The following DTWD2 variants were observed in gnomAD, a reference collection of about 807,000 sequenced individuals.
DTWD2 encodes the protein DTW motif tRNA-uridine aminocarboxypropyltransferase 2.
A neutral mutation model predicts 31.8 loss-of-function variants in DTWD2; 39 were observed. That is an observed-to-expected ratio of 1.22 (90% CI 0.95 to 1.60). DTWD2 has a LOEUF of 1.60. Ranked by LOEUF, DTWD2 falls within the 40% of genes most tolerant of loss-of-function variation. The pLI, the probability that DTWD2 is intolerant of heterozygous loss-of-function variation, is 0.00. For missense variants in DTWD2, 515 were observed against 381.5 expected (o/e 1.35, Z -2.92); for synonymous variants, 180 against 142.8 (o/e 1.26, Z -1.86).
intron 1 of DTWD2, among the ~76,000 whole-genome samples, chr5:118,945,216 T>C (rs185269583): frequency 6.6e-6 from 1 of 152,294 alleles, no homozygotes. Flanking sequence ...CCATTTAACT[T>C]ACCTTTTCTT....
chr5:118,969,648 A>G (rs1342651370), intron 1 of DTWD2, among the ~76,000 whole-genome samples: 2 of 152,184 alleles, frequency 1.3e-5, no homozygotes, highest in Non-Finnish European at 2.9e-5. Context: ...CAACAATAAC[A>G]TCAACAAAGA....
chr5:118,983,794 T>C (rs550528724), intron 1 of DTWD2, among the ~76,000 whole-genome samples: 51 of 152,328 alleles, frequency 3.3e-4, no homozygotes, highest in Non-Finnish European at 6.9e-4. Context: ...GGGAACCAAG[T>C]GGACTGGAGC....
In DTWD2 at chr5:118,928,551, G is replaced by A. The variant is rs151134567; in HGVS notation, c.583C>T (p.Arg195Ter). The A allele has an allele frequency of 7.9e-5, 119 of 1,497,334 alleles. No individual in the cohort carries two copies. Among genetic ancestry groups the A allele is most frequent in the South Asian group, 9.3e-5 (6 of 64,292 alleles). 92.8% of individuals were successfully genotyped at this position (1,497,334 alleles called of 1,614,324 possible). ...TACTAGTTTACCTGTTTGGGATGTC[G>A]GAACAAGGAGTTCTTATAGAAAATG... is the stretch of plus-strand genomic sequence containing the variant. The part of the protein sequence containing the change: ...KDIFYKNSLF[R>*]HPKQVQLKTS... Residue 195 changes from arginine to a stop codon, truncating the protein, a stop_gained, in exon 4 of 6, where the codon CGA becomes TGA. Transcript: ENST00000510708. LOFTEE classifies it high-confidence loss of function.
chr5:118,988,115 A>C (rs1437485081), intron 1 of DTWD2, 179 bp downstream of exon 1: 3 of 773,838 alleles, frequency 3.9e-6, no homozygotes, highest in Non-Finnish European at 6.7e-6. Context: ...TGAACCTGGA[A>C]AAAGGGCTTC....
intron 4 of DTWD2, among the ~76,000 whole-genome samples, chr5:118,917,376 G>GA (rs1753601227): frequency 6.6e-6 from 1 of 152,128 alleles, no homozygotes; most frequent in Admixed American, 6.5e-5. Flanking sequence ...AAGGGAAAAA[G>GA]AAACAGCCAG....
rs1254615594 is a variant in DTWD2 at position 118,836,628 on chromosome 5, T to C, written c.*4289A>G. 6.6e-6 allele frequency among the ~76,000 whole-genome samples: 1 copy of C among 152,252 alleles called. No homozygotes were observed. Among genetic ancestry groups the C allele is most frequent in the South Asian group, 2.1e-4 (1 of 4,830 alleles). ...ACAGGAGTTGCTATGGTCTGAATAT[T>C]TGTGTCCCCACAAAACTCACAGGTT... On this transcript the variant is annotated 3_prime_UTR_variant, in exon 6 of 6. Transcript: ENST00000510708.
At chr5:118,905,332 A>G (rs1753304165) in intron 4 of DTWD2, among the ~76,000 whole-genome samples, 1 of 152,114 alleles carries the variant, frequency 6.6e-6, no homozygotes, top group Non-Finnish European at 1.5e-5. Context: ...TTAGGAATTC[A>G]GAAAGGAGTC....
intron 3 of DTWD2, among the ~76,000 whole-genome samples, chr5:118,934,821 T>A (rs1055214556): frequency 1.3e-5 from 2 of 152,148 alleles, no homozygotes; most frequent in African/African-American, 4.8e-5. Context: ...CCATACCATA[T>A]AAACACTAGC....
At chr5:118,947,503 C>T (rs1754365667) in intron 1 of DTWD2, among the ~76,000 whole-genome samples, 1 of 152,152 alleles carries the variant, frequency 6.6e-6, no homozygotes, top group Non-Finnish European at 1.5e-5. Flanking sequence ...AGCTGCTTTT[C>T]CCCAACGTCA....
chr5:118,973,624 AGCCTCCTTGCTCGCG>A (rs1755045555), intron 1 of DTWD2, among the ~76,000 whole-genome samples: 2 of 23,272 alleles, frequency 8.6e-5, no homozygotes, highest in Non-Finnish European at 1.1e-4. Flanking sequence ...TGCTCGCGGC[AGCCTCCTTGCTCGCG>A]GCAGCCTCCT....
chr5:118,981,233 T>C (rs1364527462), intron 1 of DTWD2, among the ~76,000 whole-genome samples: 1 of 152,156 alleles, frequency 6.6e-6, no homozygotes, highest in East Asian at 1.9e-4. Flanking sequence ...GAGTTTATGT[T>C]GGGATGATGA....
intron 4 of DTWD2, among the ~76,000 whole-genome samples, chr5:118,920,323 C>T (rs924492949): frequency 3.3e-5 from 5 of 151,738 alleles, no homozygotes; most frequent in African/African-American, 1.2e-4. Context: ...ATAAAGAATA[C>T]TATATCTGTG....
chr5:118,931,399 A>T (rs1468904131), intron 3 of DTWD2, among the ~76,000 whole-genome samples: 4 of 105,448 alleles, frequency 3.8e-5, no homozygotes, highest in Non-Finnish European at 6.8e-5. Context: ...ACCTTGTCTT[A>T]AAAAAAAAAA....
At chr5:118,860,257 T>A (rs147490507) in intron 4 of DTWD2, among the ~76,000 whole-genome samples, 16 of 150,176 alleles carry the variant, frequency 1.1e-4, no homozygotes, top group East Asian at 5.8e-4. Context: ...AATGAATATA[T>A]CATATAAATT....
chr5:118,957,221 T>C (rs1754606628), intron 1 of DTWD2, among the ~76,000 whole-genome samples: 1 of 151,964 alleles, frequency 6.6e-6, no homozygotes, highest in Non-Finnish European at 1.5e-5. Flanking sequence ...AAATATACTG[T>C]TGTGATTTTT....
chr5:118,944,181 A>C (rs1021230422), intron 2 of DTWD2, among the ~76,000 whole-genome samples: 2 of 152,362 alleles, frequency 1.3e-5, no homozygotes, highest in African/African-American at 4.8e-5. Flanking sequence ...TAAAATGCCA[A>C]AGTTACTTCT....
intron 1 of DTWD2, among the ~76,000 whole-genome samples, chr5:118,977,563 A>C (rs1309902222): frequency 6.6e-6 from 1 of 152,208 alleles, no homozygotes; most frequent in Non-Finnish European, 1.5e-5. Flanking sequence ...AGACAGCCAA[A>C]TCATGAATGA....
Position 118,836,158 on chromosome 5 carries a change from A to C in DTWD2, c.*4759T>G, listed in dbSNP as rs969598466. 6.6e-6 allele frequency among the ~76,000 whole-genome samples: 1 copy of C among 152,320 alleles called. No homozygotes were observed. Among genetic ancestry groups the C allele is most frequent in the African/African-American group, 2.4e-5 (1 of 41,576 alleles). ...ATATAGTAAAATTTCTTATTCGAATAATTTTTTTAAAAAACCTTACATTAA... is the reference window on the plus strand; with the variant it reads ...ATATAGTAAAATTTCTTATTCGAATCATTTTTTTAAAAAACCTTACATTAA... On this transcript the variant is annotated 3_prime_UTR_variant, in exon 6 of 6. Transcript: ENST00000510708.
In DTWD2 at chr5:118,880,900, A is replaced by C. The variant is rs1229538368; in HGVS notation, c.598-32682T>G. Among the ~76,000 whole-genome samples, 3 of 152,166 alleles carry C rather than the reference A, an allele frequency of 2.0e-5. No homozygotes were observed. In the East Asian group the frequency reaches 5.8e-4, roughly 29 times the overall value. The stretch of plus-strand genomic sequence containing the variant: ...AATACATTTCTCAATATTTTTATAC[A>C]GCTTTTTGGAACTCGCTGAAAACCA... On this transcript the variant is annotated intron_variant, in intron 4 of 5. Coordinates refer to ENST00000510708, the MANE Select transcript of DTWD2 (RefSeq NM_173666.4).
Sources: gnomAD v4.1 joint callset for allele counts (sites outside exome capture counted in the v4.1 genomes callset) on GRCh38, gnomAD v4.1.1 for gene constraint, MANE v1.5 for transcripts, NCBI Gene and HGNC (gene_info 2026-07-23, HGNC 2026-07-21) for gene names.